The following EXOC6 variants were observed in gnomAD, a reference collection of about 807,000 sequenced individuals.
The protein encoded by EXOC6 is exocyst complex component 6.
Under a neutral mutation model 112.5 loss-of-function variants are expected in EXOC6, and 60 were observed. The ratio of observed to expected loss-of-function variants is 0.53; its 90% CI spans 0.43 to 0.66. The LOEUF is 0.66. Ranked by LOEUF, EXOC6 falls within the 30% of genes least tolerant of loss-of-function variation. The pLI is 0.00. For synonymous variants in EXOC6, 295 were observed against 308.0 expected (o/e 0.96, Z 0.44); for missense variants, 855 against 957.1 (o/e 0.89, Z 1.41).
intron 14 of EXOC6, among the ~76,000 whole-genome samples, chr10:92,949,594 C>CTTT (rs35310204): frequency 1.5e-5 from 2 of 129,350 alleles, no homozygotes; most frequent in Admixed American, 7.8e-5. Context: ...CTGCTTGTGG[C>CTTT]TTTTTTTTTT....
intron 7 of EXOC6, among the ~76,000 whole-genome samples, chr10:92,918,408 G>A (rs936978060): frequency 7.0e-6 from 1 of 143,386 alleles, no homozygotes; most frequent in African/African-American, 2.6e-5. Context: ...TGTTTACTAT[G>A]TGCATTTCTT....
At chr10:93,046,643 G>A (rs1846012295) in intron 20 of EXOC6, among the ~76,000 whole-genome samples, 1 of 151,680 alleles carries the variant, frequency 6.6e-6, no homozygotes, top group African/African-American at 2.4e-5. Flanking sequence ...TGTCACCCAG[G>A]TTGGAGTGCA....
intron 20 of EXOC6, among the ~76,000 whole-genome samples, chr10:93,042,544 T>C (rs1304761370): frequency 6.6e-6 from 1 of 152,206 alleles, no homozygotes; most frequent in Non-Finnish European, 1.5e-5. Context: ...TCAGAGTTTG[T>C]AACTCCCTTA....
At chr10:92,899,300 T>G (rs1246700499) in intron 4 of EXOC6, among the ~76,000 whole-genome samples, 2 of 152,188 alleles carry the variant, frequency 1.3e-5, no homozygotes, top group African/African-American at 4.8e-5. Context: ...GGATAATTGT[T>G]AGTAGGCTAA....
intron 20 of EXOC6, among the ~76,000 whole-genome samples, chr10:93,021,470 A>C (rs1844787758): frequency 6.6e-6 from 1 of 152,216 alleles, no homozygotes; most frequent in African/African-American, 2.4e-5. Flanking sequence ...GTTTCAGTTA[A>C]ACTTCCAAGG....
rs1362317040 is a variant in EXOC6 at position 93,015,303 on chromosome 10, AAT to A, written c.2169+1038_2169+1039del. 3.3e-5 allele frequency among the ~76,000 whole-genome samples: 5 copies of A among 152,352 alleles called. No individual in the cohort carries two copies. The East Asian group carries it at 9.6e-4, about 29-fold the overall frequency. On this transcript the variant is annotated intron_variant, in intron 20 of 21. Coordinates refer to ENST00000260762, the MANE Select transcript of EXOC6 (RefSeq NM_019053.6). ...GATAATTCCAACCCACTGTTTCCTA[AAT>A]ACTTATTGTCTATTATATATTCATT...
In EXOC6 at chr10:93,048,660, G is replaced by A. The variant is rs1043540206; in HGVS notation, c.2170-8264G>A. On this transcript the variant is annotated intron_variant, in intron 20 of 21. Transcript: ENST00000260762. ...AATCCCAGCTACTTGGGAGGCTGAG[G>A]CAGGAGAATCACTTGAGCCCAGGAG... 8.6e-5 allele frequency among the ~76,000 whole-genome samples: 13 copies of A among 150,506 alleles called. No individual in the cohort carries two copies. In the East Asian group the frequency reaches 2.6e-3, roughly 30 times the overall value.
intron 2 of EXOC6, among the ~76,000 whole-genome samples, chr10:92,893,773 A>G (rs960078913): frequency 6.6e-6 from 1 of 152,188 alleles, no homozygotes; most frequent in East Asian, 1.9e-4. Flanking sequence ...AACTCAAAAC[A>G]TGCATACAAT....
chr10:92,871,498 CAAAAAAAAA>C (rs75179832), intron 1 of EXOC6, among the ~76,000 whole-genome samples: 8 of 67,136 alleles, frequency 1.2e-4, no homozygotes, highest in African/African-American at 4.3e-4. Context: ...GACCCTGTCT[CAAAAAAAAA>C]AAAAAAAAAA....
intron 6 of EXOC6, among the ~76,000 whole-genome samples, chr10:92,910,203 C>T (rs1410851854): frequency 2.0e-5 from 3 of 152,122 alleles, no homozygotes; most frequent in African/African-American, 7.2e-5. Flanking sequence ...TCACAGTTAG[C>T]CCCAAACTGG....
At chr10:93,004,968 G>A (rs2134203874) in intron 19 of EXOC6, among the ~76,000 whole-genome samples, 1 of 139,674 alleles carries the variant, frequency 7.2e-6, no homozygotes, top group Non-Finnish European at 1.5e-5. Context: ...TTAAGACATT[G>A]AAGAGTGTGG....
rs137937951 is a variant in EXOC6, at chr10:92,940,028, A to G, written c.1213-699A>G. Among the ~76,000 whole-genome samples, 199 of 152,222 alleles carry G rather than the reference A, an allele frequency of 1.3e-3. 3 individuals carry two copies. In the East Asian group the frequency reaches 0.035, roughly 27 times the overall value. ...TTTCTTGGCTTAAAGATGGGAAACA[A>G]TTTAGCATGTTTATTTAGCCAAGAG... On this transcript the variant is annotated intron_variant, in intron 12 of 21. Transcript: ENST00000260762.
intron 13 of EXOC6, among the ~76,000 whole-genome samples, chr10:92,943,744 C>G (rs1039903944): frequency 6.7e-6 from 1 of 150,162 alleles, no homozygotes; most frequent in African/African-American, 2.5e-5. Context: ...CATTTAAAAT[C>G]TACTGTTGGC....
intron 20 of EXOC6, among the ~76,000 whole-genome samples, chr10:93,052,214 A>G (rs1846329162): frequency 6.6e-6 from 1 of 152,248 alleles, no homozygotes; most frequent in Admixed American, 6.5e-5. Context: ...CAAGAGTTTC[A>G]TAGAATAGTT....
intron 1 of EXOC6, among the ~76,000 whole-genome samples, chr10:92,887,130 C>T (rs1021459319): frequency 5.9e-5 from 9 of 152,176 alleles, no homozygotes; most frequent in African/African-American, 2.2e-4. Flanking sequence ...GTTAACCCTA[C>T]ATGGTTATCA....
chr10:92,868,939 C>T (rs373196629), intron 1 of EXOC6, among the ~76,000 whole-genome samples: 7 of 151,520 alleles, frequency 4.6e-5, no homozygotes, highest in Admixed American at 1.3e-4. Context: ...CTCAGCCTTC[C>T]GAGTACCTGG....
chr10:92,964,529 A>G (rs994902655), intron 17 of EXOC6, among the ~76,000 whole-genome samples: 3 of 152,228 alleles, frequency 2.0e-5, no homozygotes, highest in Admixed American at 1.3e-4. Context: ...TCTATTGCCT[A>G]CATATTTGAA....
intron 5 of EXOC6, among the ~76,000 whole-genome samples, chr10:92,903,316 C>G (rs1225621604): frequency 6.6e-6 from 1 of 151,660 alleles, no homozygotes; most frequent in Non-Finnish European, 1.5e-5. Flanking sequence ...AATAGTATCT[C>G]ATTGTTTCAA....
chr10:92,965,143 C>G (rs750840965), intron 17 of EXOC6, among the ~76,000 whole-genome samples: 1 of 151,980 alleles, frequency 6.6e-6, no homozygotes, highest in Non-Finnish European at 1.5e-5. Flanking sequence ...GGAATTATTC[C>G]AAGAGGGGGA....
Sources: allele counts gnomAD v4.1 joint callset (sites outside exome capture counted in the v4.1 genomes callset), GRCh38; gene constraint gnomAD v4.1.1; transcripts MANE v1.5; gene names NCBI Gene and HGNC (gene_info 2026-07-23, HGNC 2026-07-21).